PDE4B: variants seen among roughly 807,000 people sequenced by gnomAD.
PDE4B encodes the protein 3',5'-cyclic-AMP phosphodiesterase 4B.
PDE4B carries 20 observed loss-of-function variants against 82.2 expected under a neutral mutation model. The ratio of observed to expected loss-of-function variants is 0.24; its 90% CI spans 0.17 to 0.35. PDE4B has a LOEUF of 0.35. Among genes scored for constraint, PDE4B ranks in the 10% least tolerant of loss-of-function variants. The pLI, the probability that PDE4B is intolerant of heterozygous loss-of-function variation, is 1.00. For synonymous variants in PDE4B, 320 were observed against 318.9 expected (o/e 1.00, Z -0.04); for missense variants, 655 against 907.2 (o/e 0.72, Z 3.57).
At chr1:65,922,429 T>A (rs1277183991) in intron 3 of PDE4B, among the ~76,000 whole-genome samples, 2 of 152,162 alleles carry the variant, frequency 1.3e-5, no homozygotes, top group Non-Finnish European at 2.9e-5. Flanking sequence ...TGGAACCAAC[T>A]TGGAAATATG....
intron 1 of PDE4B, among the ~76,000 whole-genome samples, chr1:65,906,099 T>A (rs1459330212): frequency 6.6e-6 from 1 of 152,134 alleles, no homozygotes; most frequent in Non-Finnish European, 1.5e-5. Flanking sequence ...TTGGTAATAT[T>A]AATTGAAATC....
intron 3 of PDE4B, among the ~76,000 whole-genome samples, chr1:65,921,683 C>T (rs980820145): frequency 3.3e-5 from 5 of 152,144 alleles, no homozygotes; most frequent in South Asian, 2.1e-4. Context: ...TAGCTGTGTT[C>T]CAATAAAACT....
chr1:66,107,520 C>CAA (rs5774797), intron 3 of PDE4B, among the ~76,000 whole-genome samples: 7 of 147,944 alleles, frequency 4.7e-5, no homozygotes, highest in African/African-American at 1.2e-4. Context: ...ACAAAACAAA[C>CAA]AAAAAAAAAA....
intron 3 of PDE4B, among the ~76,000 whole-genome samples, chr1:66,149,005 C>T (rs900682043): frequency 6.6e-6 from 1 of 152,150 alleles, no homozygotes; most frequent in Non-Finnish European, 1.5e-5. Flanking sequence ...GGAGAGAAAT[C>T]GCTAGGTCAT....
At chr1:66,359,480 G>T (rs1365617257) in intron 9 of PDE4B, among the ~76,000 whole-genome samples, 1 of 152,192 alleles carries the variant, frequency 6.6e-6, no homozygotes, top group Non-Finnish European at 1.5e-5. Context: ...AAACCTATTA[G>T]TTGTTCCAAT....
intron 3 of PDE4B, among the ~76,000 whole-genome samples, chr1:66,202,959 T>G (rs1258777060): frequency 1.3e-5 from 2 of 152,074 alleles, no homozygotes; most frequent in Non-Finnish European, 2.9e-5. Context: ...TCTTTATAAT[T>G]TGGCATGTTT....
chr1:66,265,609 A>G (rs565865681), intron 6 of PDE4B, among the ~76,000 whole-genome samples: 1 of 152,276 alleles, frequency 6.6e-6, no homozygotes, highest in Non-Finnish European at 1.5e-5. Flanking sequence ...TACAAAAATT[A>G]GGGGCCTGAA....
intron 1 of PDE4B, among the ~76,000 whole-genome samples, chr1:65,838,635 A>G (rs1024832879): frequency 1.3e-5 from 2 of 149,280 alleles, no homozygotes; most frequent in Non-Finnish European, 3.0e-5. Context: ...GTGTGTATAT[A>G]TATACATATA....
intron 3 of PDE4B, among the ~76,000 whole-genome samples, chr1:65,922,996 C>T (rs577003529): frequency 6.6e-6 from 1 of 151,756 alleles, no homozygotes; most frequent in South Asian, 2.1e-4. Context: ...TTTGAGTATT[C>T]CCCCCAACCC....
chr1:65,973,691 C>T (rs958892792), intron 3 of PDE4B, among the ~76,000 whole-genome samples: 1 of 152,256 alleles, frequency 6.6e-6, no homozygotes, highest in South Asian at 2.1e-4. Flanking sequence ...CTTTAAAGGA[C>T]TTTGATACAG....
intron 3 of PDE4B, among the ~76,000 whole-genome samples, chr1:66,167,555 T>A (rs1646759385): frequency 6.6e-6 from 1 of 152,194 alleles, no homozygotes; most frequent in Non-Finnish European, 1.5e-5. Flanking sequence ...GTGATGGTTG[T>A]AAACTGTGAA....
chr1:65,952,771 C>T (rs561201562), intron 3 of PDE4B, among the ~76,000 whole-genome samples: 67 of 152,180 alleles, frequency 4.4e-4, no homozygotes, highest in Non-Finnish European at 7.8e-4. Flanking sequence ...CACTCAACCA[C>T]GTTGATAGGA....
chr1:65,868,835 C>T (rs35825384), intron 1 of PDE4B, among the ~76,000 whole-genome samples: 21,859 of 152,148 alleles, frequency 0.14, 1,924 homozygotes, highest in South Asian at 0.21. Flanking sequence ...ACTGTGCATG[C>T]GAGGGATCTA....
Position 66,035,373 on chromosome 1 carries a change from A to G in PDE4B, c.281+116538A>G, listed in dbSNP as rs1654006602. 2.6e-5 allele frequency among the ~76,000 whole-genome samples: 4 copies of G among 152,280 alleles called. No individual in the cohort carries two copies. In the South Asian group the frequency reaches 8.3e-4, roughly 32 times the overall value. On this transcript the variant is annotated intron_variant, in intron 3 of 16. Coordinates refer to ENST00000341517, the MANE Select transcript of PDE4B (RefSeq NM_002600.4). ...TTTTAGCTATTCTGAAATATCTGCT[A>G]CATTATTATTAACTAAAGTCATCTT...
chr1:65,885,727 G>A (rs989956456), intron 1 of PDE4B, among the ~76,000 whole-genome samples: 2 of 151,912 alleles, frequency 1.3e-5, no homozygotes, highest in Non-Finnish European at 2.9e-5. Context: ...GGGGGAAGTG[G>A]GGAGGGAAAG....
At chr1:66,243,117 G>A (rs1284062850) in intron 3 of PDE4B, among the ~76,000 whole-genome samples, 3 of 152,216 alleles carry the variant, frequency 2.0e-5, no homozygotes, top group Non-Finnish European at 4.4e-5. Context: ...TTTGCTCAGG[G>A]AGAACATAGC....
At chr1:66,043,257 T>A (rs565199612) in intron 3 of PDE4B, among the ~76,000 whole-genome samples, 5 of 151,944 alleles carry the variant, frequency 3.3e-5, no homozygotes, top group East Asian at 1.9e-4. Flanking sequence ...AAATTTTTTT[T>A]AAAAGTGAAA....
chr1:65,980,078 G>A (rs2100649243), intron 3 of PDE4B, among the ~76,000 whole-genome samples: 2 of 152,236 alleles, frequency 1.3e-5, no homozygotes, highest in South Asian at 4.1e-4. Context: ...TGAAGTGAGT[G>A]TGAGTCGCCA....
chr1:66,051,491 TGAAGA>T (rs1655024314), intron 3 of PDE4B, among the ~76,000 whole-genome samples: 1 of 152,132 alleles, frequency 6.6e-6, no homozygotes, highest in Admixed American at 6.6e-5. Flanking sequence ...TATTTCAGAA[TGAAGA>T]GAAAAGAGAA....
Sources: allele counts gnomAD v4.1 joint callset (sites outside exome capture counted in the v4.1 genomes callset), GRCh38; gene constraint gnomAD v4.1.1; transcripts MANE v1.5; gene names NCBI Gene and HGNC (gene_info 2026-07-23, HGNC 2026-07-21).